Variants in KCNH2 observed in about 807,000 individuals in gnomAD.
KCNH2 encodes voltage-gated inwardly rectifying potassium channel KCNH2.
KCNH2 carries 35 observed loss-of-function variants against 95.9 expected under a neutral mutation model. That is an observed-to-expected ratio of 0.37 (90% CI 0.28 to 0.48). The LOEUF is 0.48. Ranked by LOEUF, KCNH2 falls within the 20% of genes least tolerant of loss-of-function variation. The probability of loss-of-function intolerance (pLI) is 0.99; values close to 1 mark genes in which losing one functional copy is unlikely to be tolerated. For synonymous variants in KCNH2, 786 were observed against 754.7 expected, an observed-to-expected ratio of 1.04 and a Z score of -0.68; for missense variants, 1,274 against 1,702.9, an observed-to-expected ratio of 0.75 and a Z score of 4.43.
At chr7:150,960,340 C>G (rs1393517885) in intron 2 of KCNH2, among the ~76,000 whole-genome samples, 1 of 152,176 alleles carries the variant, frequency 6.6e-6, no homozygotes, top group Non-Finnish European at 1.5e-5. Context: ...ATGGGGTACA[C>G]AGTGATGTTG....
intron 2 of KCNH2, among the ~76,000 whole-genome samples, chr7:150,971,779 G>A (rs944260723): frequency 1.3e-5 from 2 of 152,018 alleles, no homozygotes; most frequent in Non-Finnish European, 2.9e-5. Context: ...GCACAGTCAG[G>A]CTGGCTGAGC....
chr7:150,951,322 G>C, intron 7 of KCNH2, 126 bp downstream of exon 7: 3 of 1,256,290 alleles, frequency 2.4e-6, no homozygotes, highest in Non-Finnish European at 3.4e-6. Context: ...ACCATGTCAC[G>C]ATGGTGGCCC....
chr7:150,948,407 T>TGCC, intron 11 of KCNH2, 37 bp downstream of exon 11: 37 of 1,219,194 alleles, frequency 3.0e-5, no homozygotes, highest in East Asian at 7.8e-5. Flanking sequence ...CCTCACCTTG[T>TGCC]CCCCGCCCTC....
At chr7:150,970,498 C>G (rs1004269352) in intron 2 of KCNH2, among the ~76,000 whole-genome samples, 3 of 152,208 alleles carry the variant, frequency 2.0e-5, no homozygotes, top group Non-Finnish European at 4.4e-5. Flanking sequence ...CCTGCCTCAC[C>G]CCTGGAGCAG....
intron 2 of KCNH2, among the ~76,000 whole-genome samples, chr7:150,970,781 T>G (rs75562728): frequency 6.6e-6 from 1 of 152,158 alleles, no homozygotes; most frequent in African/African-American, 2.4e-5. Flanking sequence ...GCTGTCCCCA[T>G]GATGAAGGGC....
intron 9 of KCNH2, chr7:150,949,659 G>C (rs1040646389): frequency 8.8e-7 from 1 of 1,130,652 alleles, no homozygotes; most frequent in African/African-American, 1.6e-5. Context: ...CAGGGCCGAG[G>C]GAAGGACAGG....
chr7:150,977,653 T>TTGGG (rs1309606287), intron 1 of KCNH2, among the ~76,000 whole-genome samples, 185 bp downstream of exon 1: 1 of 138,734 alleles, frequency 7.2e-6, no homozygotes. Flanking sequence ...TTTGGCCCGG[T>TTGGG]GCCCACGGCC....
At chr7:150,975,334 C>T (rs980358828) in intron 1 of KCNH2, among the ~76,000 whole-genome samples, 1 of 152,194 alleles carries the variant, frequency 6.6e-6, no homozygotes, top group Non-Finnish European at 1.5e-5. Context: ...CCAGAGATGG[C>T]GGCCAGGATT....
chr7:150,955,753 C>T, intron 5 of KCNH2: 1 of 1,259,138 alleles, frequency 7.9e-7, no homozygotes, highest in Non-Finnish European at 1.0e-6. Context: ...GTGGGCCCTG[C>T]TGCCAGGGTG....
At position 150,950,818 on chromosome 7, in the gene KCNH2, T is replaced by C. The variant is rs1801119642; in HGVS notation, c.2145+103A>G. 4 of 1,259,842 alleles carry C rather than the reference T, an allele frequency of 3.2e-6. No homozygotes were observed. In the South Asian group the frequency reaches 3.7e-5, roughly 12 times the overall value. 78.0% of individuals were successfully genotyped at this position (1,259,842 alleles called of 1,614,324 possible). Reference sequence around the variant, plus strand: ...AACGTGCCTCCAGGGTCCTTACTACTGACTGTGACCGCCTGAGACTTGTTT... The same window carrying C: ...AACGTGCCTCCAGGGTCCTTACTACCGACTGTGACCGCCTGAGACTTGTTT... On this transcript the variant is annotated intron_variant, in intron 8 of 14. Transcript: ENST00000262186.
chr7:150,958,005 C>G, intron 4 of KCNH2, 54 bp downstream of exon 4: 1 of 1,254,444 alleles, frequency 8.0e-7, no homozygotes. Flanking sequence ...TGCAGCAAGC[C>G]TGGCAGCAGA....
In KCNH2 at chr7:150,948,874, G is replaced by A. The variant is rs1271182001; in HGVS notation, c.2574C>T (p.Ile858=). The change falls in exon 10 of 15, where the codon ATC becomes ATT. Residue 858 remains isoleucine, a synonymous_variant. Transcript: ENST00000262186. Reference sequence around the variant, plus strand: ...AACTCACATCTCGCAGGTTGAAGGTGATCTCCAGGCTGGACCAGAAGTGGT... The same window carrying A: ...AACTCACATCTCGCAGGTTGAAGGTAATCTCCAGGCTGGACCAGAAGTGGT... ...FSDHFWSSLE[I]TFNLRDTNMI... is the part of the protein sequence containing the mutation. 6.2e-7 allele frequency: 1 copy of A among 1,614,228 alleles called. No individual in the cohort carries two copies. The highest frequency in any genetic ancestry group is 1.1e-5 in the South Asian group (1 of 91,084).
rs1801440759 is a variant in KCNH2, at chr7:150,958,126, C to T, written c.849G>A (p.Ser283=). The change falls in exon 4 of 15, where the codon TCG becomes TCA. Residue 283 remains serine (S), a synonymous_variant. Coordinates refer to ENST00000262186, the MANE Select transcript of KCNH2 (RefSeq NM_000238.4). ...RESCASVRRA[S]SADDIEAMRA... is the part of the protein sequence containing the mutation. ...GCATGGCCTCGATGTCGTCGGCCGA[C>T]GAGGCGCGGCGCACGCTGGCGCAGC... is the stretch of plus-strand genomic sequence containing the variant. The T allele has an allele frequency of 3.1e-6, 4 of 1,300,148 alleles. No homozygotes were observed. The highest frequency in any genetic ancestry group is 2.9e-6 in the Non-Finnish European group (3 of 1,028,452). 80.5% of individuals were successfully genotyped at this position (1,300,148 alleles called of 1,614,324 possible). A position where few individuals can be genotyped will look rare whatever the true frequency, so the allele number is the denominator to read the frequency against.
chr7:150,951,984 G>A, intron 6 of KCNH2, 149 bp from the exon 7 acceptor site: 1 of 719,070 alleles, frequency 1.4e-6, no homozygotes, highest in Non-Finnish European at 2.2e-6. Flanking sequence ...CCCACACTGG[G>A]CCCAGCACAG....
chr7:150,977,401 G>A (rs760100742), intron 1 of KCNH2, among the ~76,000 whole-genome samples: 47 of 152,206 alleles, frequency 3.1e-4, no homozygotes, highest in Non-Finnish European at 6.3e-4. Flanking sequence ...CAGTCCCTCC[G>A]GCACAACACA....
chr7:150,948,713 A>G (rs1801018820), intron 10 of KCNH2, 143 bp downstream of exon 10: 1 of 1,080,546 alleles, frequency 9.3e-7, no homozygotes, highest in African/African-American at 1.6e-5. Context: ...TGAGTTTGGG[A>G]CTTTTGTAGG....
chr7:150,947,961 GC>G (rs1423803211), intron 11 of KCNH2, 83 bp from the exon 12 acceptor site: 15 of 1,433,838 alleles, frequency 1.0e-5, no homozygotes, highest in Admixed American at 2.4e-5. Context: ...ACAGGAGCGA[GC>G]CCGAGAGAGG....
At chr7:150,968,253 G>T (rs1361794297) in intron 2 of KCNH2, among the ~76,000 whole-genome samples, 3 of 152,202 alleles carry the variant, frequency 2.0e-5, no homozygotes, top group African/African-American at 7.2e-5. Context: ...ACTCCCGGGC[G>T]TGTATCCCAC....
chr7:150,951,686 G>A lies in KCNH2; in HGVS notation c.1707C>T (p.Tyr569=), dbSNP rs777831008. ...GTGGCTGCTCCATGTTGCCGATGGC[G>A]TACCAGATGCAGGCTAGCCAGTGCG... is the stretch of plus-strand genomic sequence containing the variant. ...LIAHWLACIW[Y]AIGNMEQPHM... is the part of the protein sequence containing the mutation. The change falls in exon 7 of 15, where the codon TAC becomes TAT. Residue 569 remains tyrosine, a synonymous_variant. Coordinates refer to ENST00000262186, the MANE Select transcript of KCNH2 (RefSeq NM_000238.4). The A allele has an allele frequency of 1.9e-5, 31 of 1,614,066 alleles. No individual in the cohort carries two copies. Among genetic ancestry groups the A allele is most frequent in the East Asian group, 2.2e-5 (1 of 44,900 alleles).
Sources: allele counts gnomAD v4.1 joint callset (sites outside exome capture counted in the v4.1 genomes callset), GRCh38; gene constraint gnomAD v4.1.1; transcripts MANE v1.5; gene names NCBI Gene and HGNC (gene_info 2026-07-23, HGNC 2026-07-21).